Variants in AGBL1 observed in about 807,000 individuals in gnomAD.
AGBL1 encodes the protein cytosolic carboxypeptidase 4.
AGBL1 carries 130 observed loss-of-function variants against 118.9 expected under a neutral mutation model. The ratio of observed to expected loss-of-function variants is 1.09; its 90% CI spans 0.95 to 1.26. AGBL1 has a LOEUF of 1.26. AGBL1 is among the 50% of genes most tolerant of loss of function. The pLI, the probability that AGBL1 is intolerant of heterozygous loss-of-function variation, is 0.00. For missense variants in AGBL1, 1,584 were observed against 1,298.1 expected (o/e 1.22, Z -3.38); for synonymous variants, 555 against 478.9 (o/e 1.16, Z -2.08).
chr15:86,705,795 T>C (rs2086439475), intron 22 of AGBL1, among the ~76,000 whole-genome samples: 1 of 152,114 alleles, frequency 6.6e-6, no homozygotes, highest in African/African-American at 2.4e-5. Context: ...CACATCAAGG[T>C]GTCTCTAGTG....
At position 86,394,613 on chromosome 15, in the gene AGBL1, G is replaced by A. The variant is rs2081336248; in HGVS notation, c.2375-2753G>A. Among the ~76,000 whole-genome samples the A allele has an allele frequency of 2.0e-5, 3 of 152,144 alleles. No homozygotes were observed. In the South Asian group the frequency reaches 6.2e-4, roughly 31 times the overall value. ...TAACGAAGAAGCTGGTGAAAATGTG[G>A]TATAGCTGCTTAAGGAATTTGCCAA... On this transcript the variant is annotated intron_variant, in intron 17 of 22. Coordinates refer to ENST00000614907, the MANE Select transcript of AGBL1 (RefSeq NM_001386094.1).
At chr15:86,734,359 A>G (rs886996822) in intron 22 of AGBL1, among the ~76,000 whole-genome samples, 1 of 152,170 alleles carries the variant, frequency 6.6e-6, no homozygotes, top group African/African-American at 2.4e-5. Flanking sequence ...TTATAGGAAG[A>G]AGTATGGCAT....
intron 18 of AGBL1, among the ~76,000 whole-genome samples, chr15:86,473,500 G>T (rs757928192): frequency 1.3e-5 from 2 of 151,880 alleles, no homozygotes; most frequent in South Asian, 2.1e-4. Flanking sequence ...ATATTTTAGG[G>T]TATAAAGTTT....
intron 21 of AGBL1, among the ~76,000 whole-genome samples, chr15:86,632,511 G>C (rs1247963318): frequency 6.6e-6 from 1 of 152,046 alleles, no homozygotes; most frequent in African/African-American, 2.4e-5. Context: ...AAGGAGGGGA[G>C]TTTTGTAGAC....
chr15:86,461,360 A>G (rs557706822), intron 18 of AGBL1, among the ~76,000 whole-genome samples: 1 of 152,290 alleles, frequency 6.6e-6, no homozygotes, highest in East Asian at 1.9e-4. Context: ...TGCTCACCCA[A>G]ACTCTCTTTT....
At chr15:86,198,188 G>T (rs1597534314) in intron 5 of AGBL1, among the ~76,000 whole-genome samples, 1 of 152,162 alleles carries the variant, frequency 6.6e-6, no homozygotes, top group South Asian at 2.1e-4. Context: ...TCTTTCTTTG[G>T]TCTGATTTCT....
intron 1 of AGBL1, among the ~76,000 whole-genome samples, chr15:86,118,695 C>T (rs984973504): frequency 1.3e-5 from 2 of 151,072 alleles, no homozygotes; most frequent in Admixed American, 1.3e-4. Flanking sequence ...AATAGGAGTT[C>T]TTCTCTTGGA....
At chr15:86,580,425 C>A (rs954803793) in intron 21 of AGBL1, among the ~76,000 whole-genome samples, 2 of 152,032 alleles carry the variant, frequency 1.3e-5, no homozygotes, top group African/African-American at 2.4e-5. Flanking sequence ...GTAAAACAAG[C>A]AATATGGACC....
intron 17 of AGBL1, among the ~76,000 whole-genome samples, chr15:86,369,373 G>C (rs2080937000): frequency 6.6e-6 from 1 of 152,060 alleles, no homozygotes; most frequent in Non-Finnish European, 1.5e-5. Context: ...CATAAATTTT[G>C]TTCAGAATGG....
At chr15:86,982,556 C>A (rs897527872) in intron 23 of AGBL1, among the ~76,000 whole-genome samples, 1 of 152,138 alleles carries the variant, frequency 6.6e-6, no homozygotes, top group Non-Finnish European at 1.5e-5. Flanking sequence ...ACCTCCTCCA[C>A]CTCGCCTGCC....
intron 24 of AGBL1, among the ~76,000 whole-genome samples, chr15:87,004,461 T>A (rs1180981607): frequency 6.6e-6 from 1 of 152,224 alleles, no homozygotes; most frequent in Non-Finnish European, 1.5e-5. Context: ...CTTGTCTCTT[T>A]TGATCTTTAT....
chr15:86,277,707 T>C (rs1275607842), intron 15 of AGBL1, among the ~76,000 whole-genome samples: 4 of 152,246 alleles, frequency 2.6e-5, no homozygotes, highest in Admixed American at 1.3e-4. Flanking sequence ...CCAACCCTAC[T>C]GGCCCTTCGG....
Position 86,910,139 on chromosome 15 carries a change from G to C in AGBL1, c.*2845G>C, listed in dbSNP as rs2080331054. ...TACAAAAACGCCTAATCTAATGGGGGTGGCAGTTGTGGTAAAAGTCTACCA... is the reference window on the plus strand; with the variant it reads ...TACAAAAACGCCTAATCTAATGGGGCTGGCAGTTGTGGTAAAAGTCTACCA... On this transcript the variant is annotated 3_prime_UTR_variant, in exon 23 of 23. Transcript: ENST00000614907. 6.6e-6 allele frequency: 1 copy of C among 152,234 alleles called. No homozygotes were observed. Among genetic ancestry groups the C allele is most frequent in the Non-Finnish European group, 1.5e-5 (1 of 68,048 alleles). 9.4% of individuals were successfully genotyped at this position (152,234 alleles called of 1,614,324 possible).
At chr15:86,113,897 A>G (rs1897593881) in intron 1 of AGBL1, among the ~76,000 whole-genome samples, 1 of 152,186 alleles carries the variant, frequency 6.6e-6, no homozygotes, top group Non-Finnish European at 1.5e-5. Context: ...CCATGCCCCA[A>G]AGGAAAGATT....
chr15:86,717,764 A>G (rs1373010098), intron 22 of AGBL1, among the ~76,000 whole-genome samples: 1 of 152,174 alleles, frequency 6.6e-6, no homozygotes, highest in Non-Finnish European at 1.5e-5. Context: ...CATATTTGAG[A>G]TGGCAGATTT....
chr15:86,429,518 A>T (rs1318466261), intron 18 of AGBL1, among the ~76,000 whole-genome samples: 4 of 152,212 alleles, frequency 2.6e-5, no homozygotes, highest in Non-Finnish European at 5.9e-5. Flanking sequence ...CAGACTCACA[A>T]TGTAAATCTG....
At chr15:86,967,842 G>GT (rs2081070184) in intron 23 of AGBL1, among the ~76,000 whole-genome samples, 1 of 152,028 alleles carries the variant, frequency 6.6e-6, no homozygotes, top group Non-Finnish European at 1.5e-5. Flanking sequence ...CTTTAAAGTA[G>GT]TTTTTTCCAA....
chr15:86,389,714 A>G (rs1255256189), intron 17 of AGBL1, among the ~76,000 whole-genome samples: 1 of 152,196 alleles, frequency 6.6e-6, no homozygotes, highest in East Asian at 1.9e-4. Context: ...ATATTATACT[A>G]TAATAAATCA....
intron 24 of AGBL1, among the ~76,000 whole-genome samples, chr15:87,010,114 G>C (rs28817955): frequency 0.099 from 15,042 of 152,090 alleles, 1,323 homozygotes; most frequent in African/African-American, 0.23. Context: ...TGGTTTGGCT[G>C]TCTCACCACC....
Sources: allele counts gnomAD v4.1 joint callset (sites outside exome capture counted in the v4.1 genomes callset), GRCh38; gene constraint gnomAD v4.1.1; transcripts MANE v1.5; gene names NCBI Gene and HGNC (gene_info 2026-07-23, HGNC 2026-07-21).